The following COL4A5 variants were observed in gnomAD, a reference collection of about 807,000 sequenced individuals.
COL4A5 encodes collagen type IV alpha 5 chain, also known as collagen alpha-5(IV) chain.
COL4A5 carries 26 observed loss-of-function variants against 130.2 expected under a neutral mutation model. That is an observed-to-expected ratio of 0.20 (90% confidence interval 0.15 to 0.28). The LOEUF (loss-of-function observed/expected upper bound fraction) is 0.28, where lower values mean the gene tolerates loss of function less well. Among genes scored for constraint, COL4A5 ranks in the 10% least tolerant of loss-of-function variants. The pLI is 1.00. For missense variants in COL4A5, 1,131 were observed against 1,344.3 expected, an observed-to-expected ratio of 0.84 and a Z score of 2.48; for synonymous variants, 496 against 439.6, an observed-to-expected ratio of 1.13 and a Z score of -1.60.
intron 1 of COL4A5, among the ~76,000 whole-genome samples, chrX:108,481,691 G>C (rs1036176177): frequency 1.6e-4 from 18 of 111,352 alleles, no homozygotes; most frequent in African/African-American, 5.6e-4. Context: ...CCACTTGGCC[G>C]CTGCCACCTC....
chrX:108,674,024 A>G (rs913771536), intron 42 of COL4A5, among the ~76,000 whole-genome samples: 1 of 109,308 alleles, frequency 9.1e-6, no homozygotes, highest in Admixed American at 9.9e-5. Flanking sequence ...CCTGGGCGAC[A>G]GAGTGAGACT....
intron 38 of COL4A5, among the ~76,000 whole-genome samples, chrX:108,666,161 T>C (rs764936192): frequency 9.0e-6 from 1 of 111,665 alleles, no homozygotes; most frequent in Non-Finnish European, 1.9e-5. Context: ...TTTTTTAGAA[T>C]GGCAGGCTGT....
intron 1 of COL4A5, among the ~76,000 whole-genome samples, chrX:108,523,374 C>T (rs1259676973): frequency 9.0e-6 from 1 of 111,634 alleles, no homozygotes; most frequent in Non-Finnish European, 1.9e-5. Context: ...ATGTCCTTGG[C>T]ACCTTTGTCA....
intron 47 of COL4A5, among the ~76,000 whole-genome samples, chrX:108,684,336 G>T (rs1332796932): frequency 3.6e-5 from 4 of 110,736 alleles, no homozygotes; most frequent in African/African-American, 3.3e-5. Context: ...CTGGTTTTTT[G>T]AAAAGATCAA....
Position 108,487,315 on chromosome X carries a change from G to A in COL4A5, c.81+47109G>A, listed in dbSNP as rs141096358. Among the ~76,000 whole-genome samples the A allele has an allele frequency of 6.5e-5, 7 of 108,279 alleles. No individual in the cohort carries two copies. In the East Asian group the frequency reaches 1.7e-3, roughly 27 times the overall value. The allele number at this position is 108,279 out of a possible 115,157, so 94.0% of individuals were successfully genotyped here. On this transcript the variant is annotated intron_variant, in intron 1 of 52. Transcript: ENST00000328300. ...TGAGGCAAGAGAATCACTTGAACCC[G>A]GGAGATGGAGGTTGCGGTGAGCCGA... is the stretch of plus-strand genomic sequence containing the variant.
chrX:108,511,830 G>A (rs751595467), intron 1 of COL4A5, among the ~76,000 whole-genome samples: 23 of 112,096 alleles, frequency 2.1e-4, no homozygotes, highest in African/African-American at 5.5e-4. Context: ...TATATGCAAT[G>A]TACAAAATAG....
chrX:108,479,516 G>C (rs945268162), intron 1 of COL4A5, among the ~76,000 whole-genome samples: 1 of 111,848 alleles, frequency 8.9e-6, no homozygotes, highest in Non-Finnish European at 1.9e-5. Context: ...CCTGCATATC[G>C]TGCAGAACGA....
chrX:108,668,156 T>A (rs762582665), intron 40 of COL4A5, among the ~76,000 whole-genome samples, 163 bp from the exon 41 acceptor site: 1 of 111,928 alleles, frequency 8.9e-6, no homozygotes, highest in Non-Finnish European at 1.9e-5. Flanking sequence ...ATGCATATAT[T>A]TAATAGGAAG....
chrX:108,654,807 G>C (rs2067804629), intron 36 of COL4A5, among the ~76,000 whole-genome samples: 1 of 112,229 alleles, frequency 8.9e-6, no homozygotes, highest in African/African-American at 3.2e-5. Flanking sequence ...ACCTTTTTCA[G>C]TAGAACGTAC....
chrX:108,493,084 A>G (rs2065006230), intron 1 of COL4A5, among the ~76,000 whole-genome samples: 3 of 111,824 alleles, frequency 2.7e-5, no homozygotes, highest in Admixed American at 1.9e-4. Context: ...ATCATTGTAT[A>G]GCTATATTAA....
At chrX:108,614,655 A>G (rs1039993682) in intron 29 of COL4A5, among the ~76,000 whole-genome samples, 27 of 112,131 alleles carry the variant, frequency 2.4e-4, no homozygotes, top group African/African-American at 8.4e-4. Flanking sequence ...TACAAGTAGA[A>G]GGAATATGTG....
intron 44 of COL4A5, among the ~76,000 whole-genome samples, chrX:108,678,833 C>A (rs764305394): frequency 8.9e-6 from 1 of 111,901 alleles, no homozygotes; most frequent in East Asian, 2.8e-4. Flanking sequence ...ATTTCTTCTT[C>A]CAGTACAGGA....
chrX:108,578,308 G>A lies in COL4A5; in HGVS notation c.705G>A (p.Gln235=). Residue 235 remains glutamine (Q), a synonymous_variant, in exon 13 of 53, where the codon CAG becomes CAA. Coordinates refer to ENST00000328300, the MANE Select transcript of COL4A5 (RefSeq NM_033380.3). ...GCAAACAGGGTGAGCAAGGTCTTCA[G>A]GGCCCACCTGGGCCACCTGGGCAGA... The part of the protein sequence containing the change: ...PKGEKGEQGL[Q]GPPGPPGQIS... 1 of 1,209,355 alleles carries A rather than the reference G, an allele frequency of 8.3e-7. No individual in the cohort carries two copies. The highest frequency in any genetic ancestry group is 1.1e-6 in the Non-Finnish European group (1 of 893,375).
At chrX:108,504,685 T>G (rs1420448663) in intron 1 of COL4A5, among the ~76,000 whole-genome samples, 1 of 112,162 alleles carries the variant, frequency 8.9e-6, no homozygotes, top group African/African-American at 3.2e-5. Flanking sequence ...AAAACCACAA[T>G]GAAGTGCCAC....
Position 108,686,096 on chromosome X carries a change from C to A in COL4A5, c.4282C>A (p.Arg1428Ser), listed in dbSNP as rs144282156. The A allele has an allele frequency of 8.3e-7, 1 of 1,208,392 alleles. No individual in the cohort carries two copies. The highest frequency in any genetic ancestry group is 1.8e-5 in the African/African-American group (1 of 56,875). ...GLPGFDGAGG[R>S]KGDPGLPGQP... ...CCCTGGCTTTGATGGTGCAGGAGGG[C>A]GCAAAGGAGACCCAGGTCTGCCAGG... is the stretch of plus-strand genomic sequence containing the variant. The change falls in exon 48 of 53, where the codon CGC becomes AGC. Residue 1428 changes from arginine (R) to serine (S), a missense_variant. Transcript: ENST00000328300.
At chrX:108,445,026 T>G (rs2064438673) in intron 1 of COL4A5, among the ~76,000 whole-genome samples, 1 of 111,448 alleles carries the variant, frequency 9.0e-6, no homozygotes, top group Admixed American at 9.5e-5. Context: ...CTCACATATT[T>G]TTTTTTTTAG....
chrX:108,648,404 G>A (rs755237576), intron 36 of COL4A5, among the ~76,000 whole-genome samples: 13 of 111,057 alleles, frequency 1.2e-4, no homozygotes, highest in Non-Finnish European at 1.9e-4. Context: ...ATTCATTTTA[G>A]GAGGCCAGCA....
At chrX:108,566,385 T>C (rs1364902325) in intron 4 of COL4A5, among the ~76,000 whole-genome samples, 6 of 110,857 alleles carry the variant, frequency 5.4e-5, no homozygotes, top group African/African-American at 1.6e-4. Context: ...GAAAACTCCA[T>C]TGATCTTTCA....
At chrX:108,695,571 T>C in intron 52 of COL4A5, 132 bp downstream of exon 52, 2 of 716,126 alleles carry the variant, frequency 2.8e-6, no homozygotes, top group Non-Finnish European at 4.2e-6. Context: ...TTATTCTTGC[T>C]TGTTCTTCTC....
Sources: allele counts gnomAD v4.1 joint callset (sites outside exome capture counted in the v4.1 genomes callset), GRCh38; gene constraint gnomAD v4.1.1; transcripts MANE v1.5; gene names NCBI Gene and HGNC (gene_info 2026-07-23, HGNC 2026-07-21).